The following CLSTN2 variants were observed in gnomAD, a reference collection of about 807,000 sequenced individuals.
CLSTN2 encodes calsyntenin-2.
In CLSTN2, 48 loss-of-function variants were observed where a neutral mutation model predicts 101.2. That is an observed-to-expected ratio of 0.47 (90% CI 0.38 to 0.60). The LOEUF is 0.60. Ranked by LOEUF, CLSTN2 falls within the 20% of genes least tolerant of loss-of-function variation. The pLI is 0.00. For synonymous variants in CLSTN2, 481 were observed against 463.6 expected, an observed-to-expected ratio of 1.04 and a Z score of -0.48; for missense variants, 1,160 against 1,238.2, an observed-to-expected ratio of 0.94 and a Z score of 0.95.
At chr3:140,355,880 T>C (rs2087665903) in intron 2 of CLSTN2, among the ~76,000 whole-genome samples, 1 of 152,262 alleles carries the variant, frequency 6.6e-6, no homozygotes, top group South Asian at 2.1e-4. Context: ...GGCGAGCATG[T>C]GCTTTTTGCC....
intron 1 of CLSTN2, among the ~76,000 whole-genome samples, chr3:140,136,871 A>G (rs1560106039): frequency 6.6e-6 from 1 of 152,174 alleles, no homozygotes; most frequent in East Asian, 1.9e-4. Flanking sequence ...AACCTCAGGT[A>G]TGACTGTGGA....
chr3:140,276,409 G>T (rs143987266), intron 2 of CLSTN2, among the ~76,000 whole-genome samples: 190 of 152,306 alleles, frequency 1.2e-3, no homozygotes, highest in Middle Eastern at 3.4e-3. Context: ...TCAGTTATGA[G>T]TAAGGGTCTA....
intron 1 of CLSTN2, among the ~76,000 whole-genome samples, chr3:140,080,392 G>T (rs557956791): frequency 6.6e-6 from 1 of 152,206 alleles, no homozygotes; most frequent in Non-Finnish European, 1.5e-5. Context: ...CGTAGTAGGT[G>T]CCTGGGAAAG....
At chr3:140,056,259 C>T (rs2008094197) in intron 1 of CLSTN2, among the ~76,000 whole-genome samples, 1 of 152,264 alleles carries the variant, frequency 6.6e-6, no homozygotes, top group South Asian at 2.1e-4. Flanking sequence ...TAGCACAGTG[C>T]CTGGTACACA....
At chr3:140,398,146 C>T (rs1410573257) in intron 2 of CLSTN2, among the ~76,000 whole-genome samples, 1 of 152,024 alleles carries the variant, frequency 6.6e-6, no homozygotes, top group Non-Finnish European at 1.5e-5. Flanking sequence ...TAAAAAATGT[C>T]ATTTTATGAA....
At chr3:140,272,768 A>C (rs915722903) in intron 2 of CLSTN2, among the ~76,000 whole-genome samples, 5 of 152,116 alleles carry the variant, frequency 3.3e-5, no homozygotes, top group African/African-American at 4.8e-5. Flanking sequence ...TAATAATAAT[A>C]ATCATTAGAA....
intron 2 of CLSTN2, among the ~76,000 whole-genome samples, chr3:140,249,251 T>A (rs1401903988): frequency 6.6e-6 from 1 of 152,186 alleles, no homozygotes; most frequent in African/African-American, 2.4e-5. Context: ...GTAACTCCAG[T>A]TGAAAATCTC....
intron 2 of CLSTN2, among the ~76,000 whole-genome samples, chr3:140,267,681 A>T (rs992008790): frequency 6.6e-6 from 1 of 152,202 alleles, no homozygotes. Flanking sequence ...GCCCCAGGCC[A>T]GGAGACAGGG....
At chr3:140,164,421 A>G (rs1050201315) in intron 1 of CLSTN2, among the ~76,000 whole-genome samples, 1 of 152,196 alleles carries the variant, frequency 6.6e-6, no homozygotes, top group Non-Finnish European at 1.5e-5. Context: ...CTAGTCACCA[A>G]TGAGCCAGCT....
At chr3:139,942,242 C>T (rs1935143939) in intron 1 of CLSTN2, among the ~76,000 whole-genome samples, 2 of 152,168 alleles carry the variant, frequency 1.3e-5, no homozygotes, top group Non-Finnish European at 2.9e-5. Context: ...CTCTCTGACT[C>T]ACTTCTCCAA....
At chr3:140,547,740 G>C (rs1460470995) in intron 10 of CLSTN2, among the ~76,000 whole-genome samples, 3 of 152,096 alleles carry the variant, frequency 2.0e-5, no homozygotes, top group African/African-American at 7.2e-5. Context: ...GCACTTGTTG[G>C]CACCTGCCCA....
At chr3:139,985,293 A>G (rs1294203099) in intron 1 of CLSTN2, among the ~76,000 whole-genome samples, 5 of 152,198 alleles carry the variant, frequency 3.3e-5, no homozygotes, top group Non-Finnish European at 5.9e-5. Context: ...GACCGAGTCT[A>G]GTACGAAGTG....
At chr3:140,350,961 T>C (rs543287681) in intron 2 of CLSTN2, among the ~76,000 whole-genome samples, 35 of 152,304 alleles carry the variant, frequency 2.3e-4, no homozygotes, top group Admixed American at 1.0e-3. Flanking sequence ...GATTTATTCC[T>C]TGTTTGCTCA....
chr3:140,461,885 T>C (rs535670627), intron 7 of CLSTN2, among the ~76,000 whole-genome samples: 2 of 152,056 alleles, frequency 1.3e-5, no homozygotes, highest in African/African-American at 4.8e-5. Context: ...GGGAAGATAT[T>C]TCTCTAACTT....
At chr3:140,149,688 A>C (rs1304767347) in intron 1 of CLSTN2, among the ~76,000 whole-genome samples, 1 of 152,020 alleles carries the variant, frequency 6.6e-6, no homozygotes, top group Non-Finnish European at 1.5e-5. Context: ...TGATCTCTTG[A>C]CCTTGTGATC....
intron 2 of CLSTN2, among the ~76,000 whole-genome samples, chr3:140,296,375 A>G (rs1331141414): frequency 6.6e-6 from 1 of 152,218 alleles, no homozygotes; most frequent in South Asian, 2.1e-4. Context: ...TTGAATTCTC[A>G]AAATTTCCTC....
intron 1 of CLSTN2, among the ~76,000 whole-genome samples, chr3:140,020,128 G>A (rs181343754): frequency 5.8e-4 from 88 of 152,270 alleles, no homozygotes; most frequent in African/African-American, 2.1e-3. Context: ...GATAGCCATC[G>A]GGAGTGCCTT....
At chr3:140,380,404 T>A (rs1463736191) in intron 2 of CLSTN2, among the ~76,000 whole-genome samples, 2 of 152,208 alleles carry the variant, frequency 1.3e-5, no homozygotes, top group South Asian at 2.1e-4. Context: ...CTTCTCAGAT[T>A]GTCTCCCTCA....
At chr3:139,999,368 A>G (rs2006767197) in intron 1 of CLSTN2, among the ~76,000 whole-genome samples, 1 of 151,120 alleles carries the variant, frequency 6.6e-6, no homozygotes, top group Admixed American at 6.6e-5. Flanking sequence ...TTTGGTTTTT[A>G]GTTTGAGTGT....
Sources: gnomAD v4.1 joint callset for allele counts (sites outside exome capture counted in the v4.1 genomes callset) on GRCh38, gnomAD v4.1.1 for gene constraint, MANE v1.5 for transcripts, NCBI Gene and HGNC (gene_info 2026-07-23, HGNC 2026-07-21) for gene names.